Variants in NR3C2 observed in about 807,000 individuals in gnomAD.
The protein encoded by NR3C2 is nuclear receptor subfamily 3 group C member 2, also known as mineralocorticoid receptor.
Under a neutral mutation model 86.4 loss-of-function variants are expected in NR3C2, and 15 were observed. That is an observed-to-expected ratio of 0.17 (90% CI 0.12 to 0.27). The LOEUF (loss-of-function observed/expected upper bound fraction) is 0.27. Ranked by LOEUF, NR3C2 falls within the 10% of genes least tolerant of loss-of-function variation. The pLI is 1.00. For missense variants in NR3C2, 960 were observed against 1,195.6 expected (o/e 0.80, Z 2.91); for synonymous variants, 458 against 450.5 (o/e 1.02, Z -0.21).
chr4:148,309,314 A>T (rs1314045947), intron 2 of NR3C2, among the ~76,000 whole-genome samples: 2 of 152,252 alleles, frequency 1.3e-5, no homozygotes, highest in Non-Finnish European at 2.9e-5. Context: ...TTTAATAAAC[A>T]TTGACTATGT....
intron 2 of NR3C2, among the ~76,000 whole-genome samples, chr4:148,388,008 A>T (rs1410642589): frequency 6.6e-6 from 1 of 152,234 alleles, no homozygotes; most frequent in African/African-American, 2.4e-5. Context: ...ATTTCTAATA[A>T]GTCAGTTTGT....
chr4:148,230,924 A>T (rs1358659682), intron 3 of NR3C2, among the ~76,000 whole-genome samples: 1 of 152,252 alleles, frequency 6.6e-6, no homozygotes, highest in Non-Finnish European at 1.5e-5. Flanking sequence ...TCCAAATTTA[A>T]GTATCGATTA....
chr4:148,264,356 AT>A (rs1561007803), intron 2 of NR3C2, among the ~76,000 whole-genome samples: 3 of 152,248 alleles, frequency 2.0e-5, no homozygotes, highest in African/African-American at 7.2e-5. Flanking sequence ...TAGATTATAC[AT>A]ATCACAAAAT....
At position 148,249,537 on chromosome 4, in the gene NR3C2, C is replaced by T. The variant is rs7679518; in HGVS notation, c.1897+10441G>A. ...CATCTTTTGCTTTATTTCATGTTTT[C>T]GCTGTTAGAAAAGTAAACATTTTTA... On this transcript the variant is annotated intron_variant, in intron 3 of 8. Transcript: ENST00000358102. Among the ~76,000 whole-genome samples, 1,349 of 152,168 alleles carry T rather than the reference C, an allele frequency of 8.9e-3. 23 individuals carry two copies. The highest frequency in any genetic ancestry group is 0.031 in the African/African-American group (1,289 of 41,518).
At chr4:148,255,480 C>A (rs1739787626) in intron 3 of NR3C2, among the ~76,000 whole-genome samples, 1 of 152,192 alleles carries the variant, frequency 6.6e-6, no homozygotes. Flanking sequence ...AGACCTAAGT[C>A]TCTTCCTTCA....
intron 2 of NR3C2, among the ~76,000 whole-genome samples, chr4:148,305,213 G>A (rs1742553713): frequency 6.6e-6 from 1 of 152,006 alleles, no homozygotes; most frequent in African/African-American, 2.4e-5. Flanking sequence ...AATAAATTCT[G>A]AATCTTGCTT....
chr4:148,324,755 T>G (rs938522081), intron 2 of NR3C2, among the ~76,000 whole-genome samples: 1 of 152,194 alleles, frequency 6.6e-6, no homozygotes, highest in Non-Finnish European at 1.5e-5. Flanking sequence ...GGTACTCATG[T>G]CATATCAAAA....
At chr4:148,283,129 C>T (rs1741331909) in intron 2 of NR3C2, among the ~76,000 whole-genome samples, 1 of 152,094 alleles carries the variant, frequency 6.6e-6, no homozygotes, top group African/African-American at 2.4e-5. Flanking sequence ...CTAATTGGGT[C>T]ATTTTAAAGA....
chr4:148,268,500 T>C (rs1740511174), intron 2 of NR3C2, among the ~76,000 whole-genome samples: 1 of 152,180 alleles, frequency 6.6e-6, no homozygotes, highest in South Asian at 2.1e-4. Flanking sequence ...ACTGCTAAAC[T>C]GAGAAAGTTC....
chr4:148,191,762 T>C (rs1736205336), intron 4 of NR3C2, among the ~76,000 whole-genome samples: 1 of 152,234 alleles, frequency 6.6e-6, no homozygotes, highest in Non-Finnish European at 1.5e-5. Flanking sequence ...TGCTTCTACT[T>C]GTTCAATTCT....
chr4:148,381,011 G>A (rs1746952198), intron 2 of NR3C2, among the ~76,000 whole-genome samples: 1 of 152,148 alleles, frequency 6.6e-6, no homozygotes. Context: ...TGGAATGCTT[G>A]TGCTCAGGAG....
At chr4:148,123,126 G>C (rs547900041) in intron 6 of NR3C2, among the ~76,000 whole-genome samples, 1 of 151,658 alleles carries the variant, frequency 6.6e-6, no homozygotes, top group East Asian at 1.9e-4. Context: ...ATAAATGGCC[G>C]CTCTGGGAAT....
chr4:148,139,255 C>CT lies in NR3C2; in HGVS notation c.2510+13213dup, dbSNP rs146489270. On this transcript the variant is annotated intron_variant, in intron 6 of 8. Coordinates refer to ENST00000358102, the MANE Select transcript of NR3C2 (RefSeq NM_000901.5). ...AGAAGCCTTATGTAGCTAAAAAACT[C>CT]TGAGCATTGGATAGACAGACACCTG... Among the ~76,000 whole-genome samples the CT allele has an allele frequency of 6.3e-3, 959 of 152,296 alleles. 11 individuals carry two copies. The highest frequency in any genetic ancestry group is 0.022 in the African/African-American group (905 of 41,552).
At chr4:148,234,116 A>C (rs564316171) in intron 3 of NR3C2, among the ~76,000 whole-genome samples, 12 of 152,328 alleles carry the variant, frequency 7.9e-5, no homozygotes, top group Admixed American at 3.9e-4. Flanking sequence ...ATCCACAAGC[A>C]ATCTCCCAAA....
At chr4:148,127,086 CA>C (rs1732787492) in intron 6 of NR3C2, among the ~76,000 whole-genome samples, 1 of 152,138 alleles carries the variant, frequency 6.6e-6, no homozygotes, top group Non-Finnish European at 1.5e-5. Context: ...TTTGTGTTTT[CA>C]AATTCCATTG....
intron 6 of NR3C2, among the ~76,000 whole-genome samples, chr4:148,144,274 G>A (rs1733761576): frequency 6.6e-6 from 1 of 152,026 alleles, no homozygotes; most frequent in Non-Finnish European, 1.5e-5. Context: ...GTGCAATCAT[G>A]GCTCACTAGC....
intron 2 of NR3C2, among the ~76,000 whole-genome samples, chr4:148,360,062 A>C (rs1745763767): frequency 1.3e-5 from 2 of 152,208 alleles, no homozygotes; most frequent in South Asian, 4.1e-4. Context: ...AGAGTGGCTA[A>C]GAAGAAATGG....
At chr4:148,174,950 A>C (rs1735302484) in intron 4 of NR3C2, among the ~76,000 whole-genome samples, 1 of 152,224 alleles carries the variant, frequency 6.6e-6, no homozygotes, top group South Asian at 2.1e-4. Context: ...AATATATTTA[A>C]AAGTTACTAG....
chr4:148,239,695 G>A lies in NR3C2; in HGVS notation c.1897+20283C>T, dbSNP rs1033135356. Among the ~76,000 whole-genome samples, 4 of 152,104 alleles carry A rather than the reference G, an allele frequency of 2.6e-5. No individual in the cohort carries two copies. In the South Asian group the frequency reaches 6.2e-4, roughly 24 times the overall value. The stretch of plus-strand genomic sequence containing the variant: ...CTCATTATATCTGGCTGTAAGAAGC[G>A]GTATGAGGTCCACAGTTTATGAAAA... On this transcript the variant is annotated intron_variant, in intron 3 of 8. Transcript: ENST00000358102.
Sources: gnomAD v4.1 joint callset for allele counts (sites outside exome capture counted in the v4.1 genomes callset) on GRCh38, gnomAD v4.1.1 for gene constraint, MANE v1.5 for transcripts, NCBI Gene and HGNC (gene_info 2026-07-23, HGNC 2026-07-21) for gene names.